Variants in EYA2 observed in about 807,000 individuals in gnomAD.
EYA2 encodes the protein protein phosphatase EYA2.
In EYA2, 31 loss-of-function variants were observed where a neutral mutation model predicts 69.2. That is an observed-to-expected ratio of 0.45 (90% confidence interval 0.34 to 0.60). The LOEUF (loss-of-function observed/expected upper bound fraction) is 0.60, where lower values mean the gene tolerates loss of function less well. Among genes scored for constraint, EYA2 ranks in the 20% least tolerant of loss-of-function variants. The probability of loss-of-function intolerance (pLI) is 0.02; values close to 1 mark genes in which losing one functional copy is unlikely to be tolerated. For synonymous variants in EYA2, 257 were observed against 279.4 expected (o/e 0.92, Z 0.80); for missense variants, 622 against 701.2 (o/e 0.89, Z 1.28).
chr20:47,156,884 C>T (rs1015603515), intron 10 of EYA2, among the ~76,000 whole-genome samples: 2 of 151,900 alleles, frequency 1.3e-5, no homozygotes, highest in African/African-American at 4.8e-5. Flanking sequence ...ATTTTTCTAA[C>T]GCAAATTTGT....
intron 9 of EYA2, among the ~76,000 whole-genome samples, chr20:47,110,144 C>T (rs1437663296): frequency 6.6e-6 from 1 of 152,190 alleles, no homozygotes; most frequent in Non-Finnish European, 1.5e-5. Context: ...ATACTCATTT[C>T]CAGAGAAACT....
chr20:47,031,842 A>G (rs1984437108), intron 5 of EYA2, among the ~76,000 whole-genome samples: 1 of 152,080 alleles, frequency 6.6e-6, no homozygotes, highest in Admixed American at 6.6e-5. Flanking sequence ...GGGGAGTGGA[A>G]TGAGAAAAAG....
At position 46,896,352 on chromosome 20, in the gene EYA2, G is replaced by T. The variant is rs555709154; in HGVS notation, c.-11+1365G>T. 1.5e-4 allele frequency among the ~76,000 whole-genome samples: 22 copies of T among 151,424 alleles called. No homozygotes were observed. The East Asian group carries it at 4.1e-3, about 28-fold the overall frequency. The stretch of plus-strand genomic sequence containing the variant: ...TACAGAACTAGTAAGCACCTTACCA[G>T]ACTATGACCCATTTGTTAGCAACTA... On this transcript the variant is annotated intron_variant, in intron 1 of 15. Coordinates refer to ENST00000327619, the MANE Select transcript of EYA2 (RefSeq NM_005244.5).
chr20:47,139,997 C>G (rs1348918677), intron 9 of EYA2, among the ~76,000 whole-genome samples: 1 of 152,160 alleles, frequency 6.6e-6, no homozygotes, highest in Non-Finnish European at 1.5e-5. Flanking sequence ...GCAATAATTA[C>G]TTTTCCTTCT....
chr20:46,998,829 G>GA (rs1189861895), intron 2 of EYA2, among the ~76,000 whole-genome samples: 6 of 152,160 alleles, frequency 3.9e-5, no homozygotes, highest in Admixed American at 1.3e-4. Context: ...GCAGAAAACA[G>GA]AAAAAAGCCT....
At chr20:47,006,940 TC>T (rs1263046241) in intron 4 of EYA2, among the ~76,000 whole-genome samples, 2 of 152,200 alleles carry the variant, frequency 1.3e-5, no homozygotes, top group Admixed American at 1.3e-4. Context: ...TTTTTAATTT[TC>T]TTTTTTTGAG....
intron 5 of EYA2, among the ~76,000 whole-genome samples, chr20:47,047,448 G>T (rs985418255): frequency 2.0e-5 from 3 of 151,796 alleles, no homozygotes. Context: ...GTGCAGTGGC[G>T]CGATCTCAGC....
chr20:47,155,515 G>A (rs1230307960), intron 10 of EYA2, among the ~76,000 whole-genome samples: 1 of 151,944 alleles, frequency 6.6e-6, no homozygotes, highest in Non-Finnish European at 1.5e-5. Context: ...AACAACCACA[G>A]AGGGCAGGTA....
intron 1 of EYA2, chr20:46,901,132 TA>T (rs907524447): frequency 1.1e-4 from 17 of 152,146 alleles, no homozygotes; most frequent in African/African-American, 4.1e-4. Context: ...TAAAGGGAGA[TA>T]GGAAGGCTGA....
chr20:46,997,924 G>T (rs1360902007), intron 2 of EYA2: 2 of 152,286 alleles, frequency 1.3e-5, no homozygotes, highest in Non-Finnish European at 2.9e-5. Flanking sequence ...TGTGCTGATG[G>T]TCTGTGTTTG....
intron 1 of EYA2, among the ~76,000 whole-genome samples, chr20:46,932,398 C>G (rs530501844): frequency 5.9e-5 from 9 of 152,282 alleles, no homozygotes; most frequent in Admixed American, 3.3e-4. Flanking sequence ...AGTTTAAACC[C>G]CAGCTCTGTT....
At chr20:47,184,160 T>C (rs2034590625) in intron 15 of EYA2, among the ~76,000 whole-genome samples, 1 of 152,146 alleles carries the variant, frequency 6.6e-6, no homozygotes. Flanking sequence ...TCCCCTTTCC[T>C]GGGAGATGTA....
At chr20:47,114,983 C>G (rs1213830316) in intron 9 of EYA2, among the ~76,000 whole-genome samples, 2 of 152,234 alleles carry the variant, frequency 1.3e-5, no homozygotes, top group Non-Finnish European at 2.9e-5. Context: ...CTTATACAGC[C>G]TGCAGAACTG....
intron 1 of EYA2, among the ~76,000 whole-genome samples, chr20:46,950,273 G>T (rs992771471): frequency 2.6e-5 from 4 of 152,146 alleles, no homozygotes; most frequent in Admixed American, 1.3e-4. Flanking sequence ...TCTGCAGGGG[G>T]ACCTTGCAGC....
intron 2 of EYA2, among the ~76,000 whole-genome samples, chr20:46,995,155 C>T (rs375074945): frequency 6.6e-6 from 1 of 151,114 alleles, no homozygotes; most frequent in East Asian, 1.9e-4. Context: ...CTCGCCTAAG[C>T]CTCCCAAAGT....
intron 9 of EYA2, among the ~76,000 whole-genome samples, chr20:47,132,280 TAAAG>T (rs2033360942): frequency 6.6e-6 from 1 of 151,940 alleles, no homozygotes. Context: ...GTAGCCAAAT[TAAAG>T]GAAAATATTA....
At chr20:47,166,405 A>T (rs1316455078) in intron 10 of EYA2, among the ~76,000 whole-genome samples, 88 of 126,744 alleles carry the variant, frequency 6.9e-4, no homozygotes, top group African/African-American at 2.7e-3. Context: ...AAAAAAAAAA[A>T]AAAAAAAAAA....
intron 9 of EYA2, among the ~76,000 whole-genome samples, chr20:47,135,126 C>CAAAAAAAAAAAAAAAAAAAAAA (rs11484435): frequency 1.7e-5 from 1 of 58,496 alleles, no homozygotes; most frequent in Non-Finnish European, 3.1e-5. Flanking sequence ...GACTCCATAT[C>CAAAAAAAAAAAAAAAAAAAAAA]AAAAAAAAAA....
At chr20:47,145,943 G>A (rs1055907658) in intron 10 of EYA2, among the ~76,000 whole-genome samples, 3 of 151,832 alleles carry the variant, frequency 2.0e-5, no homozygotes, top group Admixed American at 2.0e-4. Flanking sequence ...TGGAGGCAGA[G>A]AGACCAGCCA....
Sources: allele counts gnomAD v4.1 joint callset (sites outside exome capture counted in the v4.1 genomes callset), GRCh38; gene constraint gnomAD v4.1.1; transcripts MANE v1.5; gene names NCBI Gene and HGNC (gene_info 2026-07-23, HGNC 2026-07-21).